Variants in SLC24A2 observed in about 807,000 individuals in gnomAD.
SLC24A2 encodes sodium/potassium/calcium exchanger 2.
Under a neutral mutation model 62.0 loss-of-function variants are expected in SLC24A2, and 36 were observed. The ratio of observed to expected loss-of-function variants is 0.58; its 90% CI spans 0.44 to 0.77. The LOEUF (loss-of-function observed/expected upper bound fraction) is 0.77, where lower values mean the gene tolerates loss of function less well. Ranked by LOEUF, SLC24A2 falls within the 30% of genes least tolerant of loss-of-function variation. The pLI is 0.00. For synonymous variants in SLC24A2, 358 were observed against 294.0 expected (o/e 1.22, Z -2.23); for missense variants, 846 against 817.9 (o/e 1.03, Z -0.42).
chr9:19,792,553 A>C (rs1355153031), upstream of SLC24A2, among the ~76,000 whole-genome samples: 1 of 151,020 alleles, frequency 6.6e-6, no homozygotes, highest in African/African-American at 2.4e-5. Context: ...AAAAAAAAAA[A>C]AAAAAAATGC....
At chr9:20,056,054 C>T in the SLC24A2 span, among the ~76,000 whole-genome samples, 3 of 152,096 alleles carry the variant, frequency 2.0e-5, no homozygotes, top group African/African-American at 7.2e-5. Context: ...AAGAACCTAA[C>T]ATGTTCTAGA....
At chr9:20,055,258 T>C in the SLC24A2 span, among the ~76,000 whole-genome samples, 2 of 152,194 alleles carry the variant, frequency 1.3e-5, no homozygotes, top group Non-Finnish European at 2.9e-5. Context: ...TCTTTACTTC[T>C]GCAAAATTTT....
chr9:19,953,995 C>A, the SLC24A2 span, among the ~76,000 whole-genome samples: 1 of 151,768 alleles, frequency 6.6e-6, no homozygotes, highest in Non-Finnish European at 1.5e-5. Flanking sequence ...TCCCATGATG[C>A]CCCATTAGTT....
intron 8 of SLC24A2, among the ~76,000 whole-genome samples, chr9:19,543,588 T>C (rs1217511445): frequency 6.6e-6 from 1 of 152,198 alleles, no homozygotes; most frequent in Non-Finnish European, 1.5e-5. Context: ...AATTTCCCTC[T>C]ACACAGTGCT....
At chr9:20,115,917 C>A in the SLC24A2 span, among the ~76,000 whole-genome samples, 2 of 152,088 alleles carry the variant, frequency 1.3e-5, no homozygotes, top group African/African-American at 2.4e-5. Context: ...TAATTTTTGG[C>A]AAAATCCCAA....
At chr9:20,091,539 C>A in the SLC24A2 span, among the ~76,000 whole-genome samples, 1 of 151,828 alleles carries the variant, frequency 6.6e-6, no homozygotes, top group Non-Finnish European at 1.5e-5. Context: ...AGACTGGGGA[C>A]CTATATTCAA....
the SLC24A2 span, among the ~76,000 whole-genome samples, chr9:19,907,338 G>T: frequency 1.3e-5 from 2 of 152,124 alleles, no homozygotes; most frequent in Non-Finnish European, 2.9e-5. Context: ...AAAATAATAA[G>T]AGCTATCTAT....
the SLC24A2 span, among the ~76,000 whole-genome samples, chr9:19,833,773 GCCT>G: frequency 6.6e-6 from 1 of 152,264 alleles, no homozygotes; most frequent in Non-Finnish European, 1.5e-5. Flanking sequence ...TAGGCAGACT[GCCT>G]CCTCAAGTTG....
chr9:20,162,215 G>A, the SLC24A2 span, among the ~76,000 whole-genome samples: 18 of 151,542 alleles, frequency 1.2e-4, no homozygotes, highest in African/African-American at 4.4e-4. Flanking sequence ...ATGTTATTAT[G>A]CAACATAGCA....
At chr9:20,142,211 C>T in the SLC24A2 span, among the ~76,000 whole-genome samples, 3 of 152,088 alleles carry the variant, frequency 2.0e-5, no homozygotes, top group African/African-American at 7.2e-5. Context: ...AAGAGTTCTG[C>T]AGGAAAGAAT....
rs530646192 is a variant in SLC24A2 at position 19,786,788 on chromosome 9, G to A, written c.79C>T (p.His27Tyr). 1.2e-6 allele frequency: 2 copies of A among 1,609,060 alleles called. No homozygotes were observed. The highest frequency in any genetic ancestry group is 3.4e-5 in the Admixed American group (2 of 59,044). Residue 27 changes from histidine (H) to tyrosine (Y), a missense_variant, in exon 2 of 11, where the codon CAT becomes TAT. Physicochemically the swap from His to Tyr is moderately conservative, Grantham distance 83. Transcript: ENST00000341998. The surrounding 1 kb of genome is among the most constrained non-coding windows in gnomAD (Gnocchi z 5.0). ...TTCAGTTTTTTCTTGACACTATAAT[G>A]TCTTCTGCAGCCAGACAGTGACTCA... The part of the protein sequence containing the change: ...LDESLSGCRR[H>Y]YSVKKKLKLI...
the SLC24A2 span, among the ~76,000 whole-genome samples, chr9:20,138,732 T>C: frequency 6.6e-6 from 1 of 152,162 alleles, no homozygotes; most frequent in East Asian, 1.9e-4. Flanking sequence ...AAAATACCTT[T>C]TTCAGGGTTC....
the SLC24A2 span, among the ~76,000 whole-genome samples, chr9:20,036,582 C>T: frequency 6.6e-6 from 1 of 152,136 alleles, no homozygotes; most frequent in Admixed American, 6.5e-5. Flanking sequence ...TGAGAACATG[C>T]AGTATCTGAT....
intron 2 of SLC24A2, among the ~76,000 whole-genome samples, chr9:19,752,879 G>A (rs1423071534): frequency 6.6e-6 from 1 of 152,136 alleles, no homozygotes; most frequent in Non-Finnish European, 1.5e-5. Flanking sequence ...GCCAGATTCT[G>A]ACCCAAGGCA....
At chr9:20,146,094 A>G in the SLC24A2 span, among the ~76,000 whole-genome samples, 1 of 152,164 alleles carries the variant, frequency 6.6e-6, no homozygotes, top group Non-Finnish European at 1.5e-5. Context: ...GCTGCAATTA[A>G]CATTCTTGTG....
chr9:19,605,998 C>T (rs1836972986), intron 4 of SLC24A2, among the ~76,000 whole-genome samples: 1 of 152,182 alleles, frequency 6.6e-6, no homozygotes, highest in Admixed American at 6.5e-5. Flanking sequence ...TCACCATGCA[C>T]ACCCCAAGCA....
chr9:20,271,811 A>T, the SLC24A2 span, among the ~76,000 whole-genome samples: 18,994 of 152,220 alleles, frequency 0.12, 1,242 homozygotes, highest in Middle Eastern at 0.16. Context: ...AAGAGGAGCA[A>T]AAAAGGATAA....
chr9:20,162,902 C>T, the SLC24A2 span, among the ~76,000 whole-genome samples: 1 of 152,084 alleles, frequency 6.6e-6, no homozygotes, highest in Non-Finnish European at 1.5e-5. Flanking sequence ...TCAATAGATG[C>T]AGAAAAGGCC....
At chr9:19,792,916 A>G (rs973714908), upstream of SLC24A2, among the ~76,000 whole-genome samples, 1 of 152,234 alleles carries the variant, frequency 6.6e-6, no homozygotes, top group South Asian at 2.1e-4. Flanking sequence ...CAATGTGCAC[A>G]AAACCAGTAG....
Sources: allele counts gnomAD v4.1 joint callset (sites outside exome capture counted in the v4.1 genomes callset), GRCh38; gene constraint gnomAD v4.1.1; non-coding constraint Gnocchi (gnomAD v3.1); transcripts MANE v1.5; gene names NCBI Gene and HGNC (gene_info 2026-07-23, HGNC 2026-07-21).